The following AKR1C8 variants were observed in gnomAD, a reference collection of about 807,000 sequenced individuals.
AKR1C8 encodes aldo-keto reductase family 1 member C8.
At chr10:5,144,888 C>A in the AKR1C8 span, among the ~76,000 whole-genome samples, 2 of 152,032 alleles carry the variant, frequency 1.3e-5, no homozygotes, top group African/African-American at 4.8e-5. Flanking sequence ...ATTGCCCTGG[C>A]CAGAACTTCC....
chr10:5,170,015 C>T, the AKR1C8 span, among the ~76,000 whole-genome samples: 2 of 151,962 alleles, frequency 1.3e-5, no homozygotes, highest in Admixed American at 6.6e-5. Context: ...GGAGTTGATT[C>T]CTGTAACAGG....
At chr10:5,142,872 C>T in the AKR1C8 span, among the ~76,000 whole-genome samples, 1 of 152,008 alleles carries the variant, frequency 6.6e-6, no homozygotes, top group African/African-American at 2.4e-5. Context: ...ATGGTACTAA[C>T]AGGCTTGTTC....
chr10:5,174,153 G>A, the AKR1C8 span, among the ~76,000 whole-genome samples: 1 of 151,264 alleles, frequency 6.6e-6, no homozygotes, highest in African/African-American at 2.4e-5. Context: ...TCCTAGCCCT[G>A]TTCTTAAAAA....
At chr10:5,158,119 G>A in the AKR1C8 span, among the ~76,000 whole-genome samples, 1 of 152,128 alleles carries the variant, frequency 6.6e-6, no homozygotes, top group Admixed American at 6.5e-5. Flanking sequence ...GAAGCCAGGT[G>A]CAAACTAATG....
At chr10:5,184,228 C>T in the AKR1C8 span, among the ~76,000 whole-genome samples, 1 of 152,154 alleles carries the variant, frequency 6.6e-6, no homozygotes, top group African/African-American at 2.4e-5. Context: ...TAGACCTGAC[C>T]TCATAGTTAA....
the AKR1C8 span, among the ~76,000 whole-genome samples, chr10:5,135,677 C>T: frequency 6.6e-6 from 1 of 152,202 alleles, no homozygotes; most frequent in East Asian, 1.9e-4. Flanking sequence ...CAACAAGTCT[C>T]GTTTTTGTTC....
chr10:5,174,950 T>TA, the AKR1C8 span, among the ~76,000 whole-genome samples: 1 of 152,014 alleles, frequency 6.6e-6, no homozygotes, highest in African/African-American at 2.4e-5. Context: ...AACATTGAAA[T>TA]AAAAAACAAG....
chr10:5,165,263 G>GT, the AKR1C8 span, among the ~76,000 whole-genome samples: 24 of 152,010 alleles, frequency 1.6e-4, no homozygotes, highest in Admixed American at 4.6e-4. Context: ...AAGCAAATTA[G>GT]TTTTTTTTCC....
chr10:5,145,770 C>T, the AKR1C8 span, among the ~76,000 whole-genome samples: 1 of 152,144 alleles, frequency 6.6e-6, no homozygotes, highest in African/African-American at 2.4e-5. Flanking sequence ...CTAGTTCAAC[C>T]ATTGTGGAAG....
chr10:5,166,560 G>T, the AKR1C8 span, among the ~76,000 whole-genome samples: 9 of 152,162 alleles, frequency 5.9e-5, no homozygotes, highest in Admixed American at 2.0e-4. Flanking sequence ...TTTAATAAAT[G>T]ATGCTGGGAA....
the AKR1C8 span, among the ~76,000 whole-genome samples, chr10:5,148,607 T>C: frequency 6.6e-6 from 1 of 152,186 alleles, no homozygotes; most frequent in African/African-American, 2.4e-5. Flanking sequence ...CTCTTATTAG[T>C]GCTCACTGAA....
chr10:5,132,609 G>A, the AKR1C8 span: 1 of 1,576,150 alleles, frequency 6.3e-7, no homozygotes, highest in Non-Finnish European at 8.7e-7. Flanking sequence ...TACCTTTGAA[G>A]TGTAGAATAT....
chr10:5,139,269 A>T, the AKR1C8 span, among the ~76,000 whole-genome samples: 1 of 152,316 alleles, frequency 6.6e-6, no homozygotes, highest in East Asian at 1.9e-4. Flanking sequence ...CAAACTACCA[A>T]TGACTTTCTT....
chr10:5,155,678 T>C, the AKR1C8 span: 1 of 470,980 alleles, frequency 2.1e-6, no homozygotes, highest in South Asian at 1.6e-5. Flanking sequence ...CACTTACAAT[T>C]GTAACTTGTC....
the AKR1C8 span, among the ~76,000 whole-genome samples, chr10:5,136,765 G>A: frequency 1.3e-5 from 2 of 152,078 alleles, no homozygotes; most frequent in African/African-American, 4.8e-5. Flanking sequence ...CTTTAGAGGA[G>A]GACATAAATA....
the AKR1C8 span, chr10:5,155,026 T>G: frequency 3.9e-5 from 6 of 152,178 alleles, no homozygotes; most frequent in African/African-American, 1.4e-4. Context: ...ATTAATCTCA[T>G]AATTCATTCA....
chr10:5,161,666 C>CA, the AKR1C8 span: 1 of 531,928 alleles, frequency 1.9e-6, no homozygotes, highest in African/African-American at 1.9e-5. Context: ...CAAGGATAGA[C>CA]AGAAAATCTT....
At chr10:5,165,453 C>T in the AKR1C8 span, among the ~76,000 whole-genome samples, 8 of 152,142 alleles carry the variant, frequency 5.3e-5, no homozygotes, top group South Asian at 4.1e-4. Flanking sequence ...TCTAGTTTCC[C>T]AATTCCTCTC....
the AKR1C8 span, among the ~76,000 whole-genome samples, chr10:5,145,081 G>C: frequency 3.0e-3 from 451 of 151,578 alleles, 3 homozygotes; most frequent in African/African-American, 0.01. Context: ...TTAGCATGAA[G>C]GGTTGTTGAA....
Sources: allele counts gnomAD v4.1 joint callset (sites outside exome capture counted in the v4.1 genomes callset), GRCh38; gene constraint gnomAD v4.1.1; transcripts MANE v1.5; gene names NCBI Gene and HGNC (gene_info 2026-07-23, HGNC 2026-07-21).